Variants in MIER1 observed in about 807,000 individuals in gnomAD.
MIER1 encodes mesoderm induction early response protein 1.
Under a neutral mutation model 75.7 loss-of-function variants are expected in MIER1, and 40 were observed. The observed-to-expected ratio is 0.53, with a 90% CI of 0.41 to 0.69. The LOEUF (loss-of-function observed/expected upper bound fraction) is 0.69, where lower values mean the gene tolerates loss of function less well. MIER1 is among the 30% of genes least tolerant of loss of function. The pLI, the probability that MIER1 is intolerant of heterozygous loss-of-function variation, is 0.00. For synonymous variants in MIER1, 213 were observed against 223.4 expected, an observed-to-expected ratio of 0.95 and a Z score of 0.42; for missense variants, 574 against 680.2, an observed-to-expected ratio of 0.84 and a Z score of 1.74.
At chr1:66,977,321 G>T (rs1194721098) in intron 12 of MIER1, among the ~76,000 whole-genome samples, 2 of 151,936 alleles carry the variant, frequency 1.3e-5, no homozygotes, top group African/African-American at 4.8e-5. Context: ...TGTTGACCAG[G>T]CTGGTCTTGA....
chr1:66,936,101 G>A (rs1041219249), intron 2 of MIER1, among the ~76,000 whole-genome samples: 2 of 152,010 alleles, frequency 1.3e-5, no homozygotes, highest in African/African-American at 4.8e-5. Flanking sequence ...CTACTGATAA[G>A]GTTATGAGTA....
intron 1 of MIER1, 68 bp from the exon 2 acceptor site, chr1:66,926,074 G>T: frequency 8.1e-7 from 1 of 1,236,518 alleles, no homozygotes; most frequent in Non-Finnish European, 1.2e-6. Flanking sequence ...TGCGAAACAG[G>T]GTGGATGGTG....
chr1:66,925,526 G>T, intron 1 of MIER1: 1 of 985,450 alleles, frequency 1.0e-6, no homozygotes, highest in Non-Finnish European at 1.2e-6. Context: ...TTGCACTGCA[G>T]CCTTTATGGT....
At chr1:66,957,048 A>G in intron 4 of MIER1, among the ~76,000 whole-genome samples, 1 of 151,958 alleles carries the variant, frequency 6.6e-6, no homozygotes, top group South Asian at 2.1e-4. Flanking sequence ...TTCTAAACTG[A>G]TTGTTTTCTG....
chr1:66,950,831 A>AG (rs1658762718), intron 4 of MIER1, among the ~76,000 whole-genome samples: 1 of 59,552 alleles, frequency 1.7e-5, no homozygotes, highest in South Asian at 8.8e-4. Flanking sequence ...TGGTTACCTT[A>AG]GGAACCATCT....
At chr1:66,977,094 C>A (rs2101979771) in intron 12 of MIER1, among the ~76,000 whole-genome samples, 1 of 151,862 alleles carries the variant, frequency 6.6e-6, no homozygotes. Context: ...TCAGTATAAG[C>A]ACATACAGTT....
In MIER1 at chr1:66,988,546, T is replaced by G. The variant is rs1667062179; in HGVS notation, c.*3646T>G. On this transcript the variant is annotated 3_prime_UTR_variant, in exon 14 of 14. Coordinates refer to ENST00000401041, the MANE Select transcript of MIER1 (RefSeq NM_001077700.3). Reference sequence around the variant, plus strand: ...GAGTTTTTCCTTTTCAGAATATGATTATTTTCAATTTGTCTTTAGTTAGTA... The same window carrying G: ...GAGTTTTTCCTTTTCAGAATATGATGATTTTCAATTTGTCTTTAGTTAGTA... 1 of 152,192 alleles carries G rather than the reference T, an allele frequency of 6.6e-6. No homozygotes were observed. Among genetic ancestry groups the G allele is most frequent in the Non-Finnish European group, 1.5e-5 (1 of 67,868 alleles). The allele number at this position is 152,192 out of a possible 1,614,324, so 9.4% of individuals were successfully genotyped here.
chr1:66,966,668 C>G (rs1662475008), intron 8 of MIER1, among the ~76,000 whole-genome samples: 1 of 152,174 alleles, frequency 6.6e-6, no homozygotes, highest in African/African-American at 2.4e-5. Flanking sequence ...TAAAAGTGTT[C>G]CTATTTCTCC....
chr1:66,960,076 TAAATA>T (rs1382405357), intron 7 of MIER1: 1 of 160,656 alleles, frequency 6.2e-6, no homozygotes, highest in Non-Finnish European at 1.4e-5. Flanking sequence ...AAACAAAAAA[TAAATA>T]AAACAGAAAT....
At position 66,985,143 on chromosome 1, in the gene MIER1, T is replaced by G; in HGVS notation, c.*243T>G. The G allele has an allele frequency of 3.7e-6, 4 of 1,078,854 alleles. No homozygotes were observed. Among genetic ancestry groups the G allele is most frequent in the Non-Finnish European group, 3.4e-6 (3 of 877,236 alleles). The allele number at this position is 1,078,854 out of a possible 1,614,324, so 66.8% of individuals were successfully genotyped here. On this transcript the variant is annotated 3_prime_UTR_variant, in exon 14 of 14. Coordinates refer to ENST00000401041, the MANE Select transcript of MIER1 (RefSeq NM_001077700.3). ...TTTGAATGAACTAAAGATATATCTC[T>G]ACCTTCTCATTTGAATATCTTTAGT...
At chr1:66,936,193 A>G (rs1365264666) in intron 2 of MIER1, among the ~76,000 whole-genome samples, 1 of 152,112 alleles carries the variant, frequency 6.6e-6, no homozygotes, top group Non-Finnish European at 1.5e-5. Context: ...TATTGTTATA[A>G]ATAAGCACTT....
intron 12 of MIER1, 29 bp downstream of exon 12, chr1:66,976,751 A>G (rs1010433059): frequency 1.3e-6 from 2 of 1,509,540 alleles, no homozygotes; most frequent in Non-Finnish European, 8.9e-7. Flanking sequence ...TAAGAGCTAT[A>G]TATACATTTT....
intron 4 of MIER1, among the ~76,000 whole-genome samples, chr1:66,956,116 ATTC>A (rs1660079980): frequency 6.6e-6 from 1 of 152,170 alleles, no homozygotes; most frequent in Non-Finnish European, 1.5e-5. Flanking sequence ...GCTATTTGTT[ATTC>A]TTGTATATAA....
intron 12 of MIER1, among the ~76,000 whole-genome samples, chr1:66,980,023 C>G (rs555298447): frequency 6.6e-6 from 1 of 152,324 alleles, no homozygotes; most frequent in South Asian, 2.1e-4. Context: ...CTCGGCCTCC[C>G]AAAGTGCTGG....
chr1:66,939,554 C>T (rs943026963), intron 2 of MIER1, among the ~76,000 whole-genome samples: 8 of 152,040 alleles, frequency 5.3e-5, no homozygotes, highest in African/African-American at 1.9e-4. Context: ...TTTCCTTTTG[C>T]TTTGTTACAA....
intron 4 of MIER1, among the ~76,000 whole-genome samples, chr1:66,956,150 C>T (rs1007507758): frequency 6.6e-6 from 1 of 152,264 alleles, no homozygotes; most frequent in Non-Finnish European, 1.5e-5. Flanking sequence ...AGGCTGGGCA[C>T]GGTGGCTCAT....
chr1:66,930,510 C>G (rs1396347257), intron 2 of MIER1: 2 of 1,155,768 alleles, frequency 1.7e-6, no homozygotes, highest in South Asian at 1.4e-5. Context: ...GCTGGCGCCG[C>G]TGCCCACCTG....
At chr1:66,950,711 T>TC (rs942863014) in intron 4 of MIER1, among the ~76,000 whole-genome samples, 3 of 146,624 alleles carry the variant, frequency 2.0e-5, no homozygotes, top group African/African-American at 7.6e-5. Flanking sequence ...TACACACAAA[T>TC]TAATTATATA....
intron 6 of MIER1, among the ~76,000 whole-genome samples, chr1:66,959,381 A>G (rs1660787519): frequency 6.6e-6 from 1 of 152,174 alleles, no homozygotes; most frequent in Admixed American, 6.5e-5. Flanking sequence ...TTGAAGAAAA[A>G]TAAACTGTCA....
Sources: gnomAD v4.1 joint callset for allele counts (sites outside exome capture counted in the v4.1 genomes callset) on GRCh38, gnomAD v4.1.1 for gene constraint, MANE v1.5 for transcripts, NCBI Gene and HGNC (gene_info 2026-07-23, HGNC 2026-07-21) for gene names.